MUSK: variants seen among roughly 807,000 people sequenced by gnomAD.
MUSK encodes muscle associated receptor tyrosine kinase, also known as muscle, skeletal receptor tyrosine-protein kinase.
In MUSK, 55 loss-of-function variants were observed where a neutral mutation model predicts 88.7. The observed-to-expected ratio is 0.62, with a 90% confidence interval of 0.50 to 0.78. The LOEUF is 0.78. Ranked by LOEUF, MUSK falls within the 30% of genes least tolerant of loss-of-function variation. The probability of loss-of-function intolerance (pLI) is 0.00; values close to 1 mark genes in which losing one functional copy is unlikely to be tolerated. For synonymous variants in MUSK, 387 were observed against 391.9 expected (o/e 0.99, Z 0.15); for missense variants, 1,015 against 1,074.3 (o/e 0.94, Z 0.77).
intron 9 of MUSK, among the ~76,000 whole-genome samples, chr9:110,769,486 CA>C (rs995664332): frequency 1.8e-4 from 27 of 148,182 alleles, no homozygotes; most frequent in South Asian, 8.6e-4. Flanking sequence ...AAAATTACTG[CA>C]AAAAAAAATG....
chr9:110,769,871 T>G (rs1173385435), intron 9 of MUSK, among the ~76,000 whole-genome samples: 1 of 152,038 alleles, frequency 6.6e-6, no homozygotes, highest in East Asian at 1.9e-4. Flanking sequence ...ACACCATGGA[T>G]AGATGCTTGA....
At chr9:110,670,169 T>C (rs1214162470) in intron 1 of MUSK, among the ~76,000 whole-genome samples, 4 of 152,216 alleles carry the variant, frequency 2.6e-5, no homozygotes, top group Admixed American at 2.0e-4. Context: ...TCTTCAAATG[T>C]ATTTAAACAT....
chr9:110,742,233 G>C (rs925481947), intron 6 of MUSK, among the ~76,000 whole-genome samples: 3 of 152,068 alleles, frequency 2.0e-5, no homozygotes, highest in African/African-American at 7.2e-5. Flanking sequence ...AAGGTGGGAG[G>C]ATTATGAGGT....
At chr9:110,669,730 G>A (rs1373812068) in intron 1 of MUSK, among the ~76,000 whole-genome samples, 1 of 152,172 alleles carries the variant, frequency 6.6e-6, no homozygotes, top group East Asian at 1.9e-4. Flanking sequence ...TGGGACTAGC[G>A]TATTTGAAAT....
chr9:110,689,743 T>C (rs1587904551), intron 3 of MUSK, among the ~76,000 whole-genome samples: 3 of 74,140 alleles, frequency 4.0e-5, no homozygotes, highest in African/African-American at 1.5e-4. Flanking sequence ...ATATATAATA[T>C]TATATATTAT....
At chr9:110,748,122 C>G in intron 7 of MUSK, 3 of 424,876 alleles carry the variant, frequency 7.1e-6, no homozygotes, top group South Asian at 5.8e-5. Flanking sequence ...CCTTCCCTCC[C>G]TCGCTCCCTT....
chr9:110,747,640 G>A lies in MUSK; in HGVS notation c.754-1G>A. 1.2e-6 allele frequency: 2 copies of A among 1,609,710 alleles called. No homozygotes were observed. Among genetic ancestry groups the A allele is most frequent in the Non-Finnish European group, 1.7e-6 (2 of 1,176,564 alleles). ...TCTTTTATTTTCCTTTACTCTGTCA[G>A]GTTTCTTCTGGGTCCATTCAAGAGA... On this transcript the variant is annotated splice_acceptor_variant, in intron 6 of 14. Transcript: ENST00000374448. LOFTEE classifies it high-confidence loss of function.
intron 5 of MUSK, among the ~76,000 whole-genome samples, chr9:110,701,713 T>G (rs1358167388): frequency 0.01 from 1 of 98 alleles, no homozygotes; most frequent in Non-Finnish European, 0.015. Flanking sequence ...TATTTTATTT[T>G]ATTTTATTTT....
Position 110,785,734 on chromosome 9 carries a change from G to GAA in MUSK, c.1778+24_1778+25dup. 4.0e-6 allele frequency: 6 copies of GAA among 1,517,202 alleles called. No individual in the cohort carries two copies. Among genetic ancestry groups the GAA allele is most frequent in the South Asian group, 1.3e-5 (1 of 75,488 alleles). 94.0% of individuals were successfully genotyped at this position (1,517,202 alleles called of 1,614,324 possible). On this transcript the variant is annotated intron_variant, in intron 13 of 14. Coordinates refer to ENST00000374448, the MANE Select transcript of MUSK (RefSeq NM_005592.4). ...TTCAAGCAAGGTAAAGTTACCTATGGAAAAAAAAACTCCATTGAAATATGT... is the reference window on the plus strand; with the variant it reads ...TTCAAGCAAGGTAAAGTTACCTATGGAAAAAAAAAAACTCCATTGAAATATGT...
chr9:110,781,494 T>A (rs1259613130), intron 11 of MUSK, among the ~76,000 whole-genome samples: 1 of 152,186 alleles, frequency 6.6e-6, no homozygotes, highest in Non-Finnish European at 1.5e-5. Context: ...GCCAGGATGG[T>A]CTCGATCTCC....
intron 9 of MUSK, among the ~76,000 whole-genome samples, chr9:110,769,458 G>A (rs1207199543): frequency 1.3e-5 from 2 of 152,004 alleles, no homozygotes; most frequent in Admixed American, 1.3e-4. Flanking sequence ...GAAGGGGAAA[G>A]AGAAGGAGAG....
chr9:110,753,016 G>A (rs1164984257), intron 7 of MUSK, among the ~76,000 whole-genome samples: 1 of 152,168 alleles, frequency 6.6e-6, no homozygotes. Flanking sequence ...TTGGCAAGAT[G>A]CTTCTCTTTG....
At chr9:110,740,418 T>C (rs2077082727) in intron 6 of MUSK, among the ~76,000 whole-genome samples, 1 of 152,196 alleles carries the variant, frequency 6.6e-6, no homozygotes, top group Non-Finnish European at 1.5e-5. Context: ...TGTGTGCACT[T>C]CTGGTGTCTG....
At chr9:110,717,224 T>C (rs1283550549) in intron 5 of MUSK, among the ~76,000 whole-genome samples, 1 of 149,788 alleles carries the variant, frequency 6.7e-6, no homozygotes, top group Non-Finnish European at 1.5e-5. Context: ...CATTATATAT[T>C]TTTTTAATTC....
At chr9:110,691,403 TCTC>T (rs1453021918) in intron 3 of MUSK, among the ~76,000 whole-genome samples, 1 of 152,090 alleles carries the variant, frequency 6.6e-6, no homozygotes, top group Non-Finnish European at 1.5e-5. Context: ...TCTCTCTCAT[TCTC>T]CTACTCTTGC....
At chr9:110,777,883 G>A (rs1174850982) in intron 11 of MUSK, among the ~76,000 whole-genome samples, 1 of 152,102 alleles carries the variant, frequency 6.6e-6, no homozygotes, top group African/African-American at 2.4e-5. Flanking sequence ...AAGAAAATGA[G>A]CTCCTAATGT....
At chr9:110,717,648 C>CAG (rs2076761673) in intron 5 of MUSK, among the ~76,000 whole-genome samples, 1 of 149,892 alleles carries the variant, frequency 6.7e-6, no homozygotes, top group Non-Finnish European at 1.5e-5. Context: ...GATCTGTGAG[C>CAG]AGATATCTTT....
At chr9:110,737,088 G>A (rs1449168246) in intron 6 of MUSK, among the ~76,000 whole-genome samples, 1 of 151,924 alleles carries the variant, frequency 6.6e-6, no homozygotes, top group African/African-American at 2.4e-5. Flanking sequence ...CTCTCTAAGG[G>A]TAAATAAGAT....
At chr9:110,722,567 A>G (rs1210161799) in intron 5 of MUSK, among the ~76,000 whole-genome samples, 1 of 152,052 alleles carries the variant, frequency 6.6e-6, no homozygotes, top group African/African-American at 2.4e-5. Context: ...AATTAAACTA[A>G]AAAGCTTCTG....
Sources: allele counts gnomAD v4.1 joint callset (sites outside exome capture counted in the v4.1 genomes callset), GRCh38; gene constraint gnomAD v4.1.1; transcripts MANE v1.5; gene names NCBI Gene and HGNC (gene_info 2026-07-23, HGNC 2026-07-21).